The following CACHD1 variants were observed in gnomAD, a reference collection of about 807,000 sequenced individuals.
The protein encoded by CACHD1 is cache domain containing 1.
A neutral mutation model predicts 138.7 loss-of-function variants in CACHD1; 71 were observed. The ratio of observed to expected loss-of-function variants is 0.51; its 90% CI spans 0.42 to 0.62. The LOEUF (loss-of-function observed/expected upper bound fraction) is 0.62, where lower values mean the gene tolerates loss of function less well. Ranked by LOEUF, CACHD1 falls within the 20% of genes least tolerant of loss-of-function variation. The pLI is 0.00. For missense variants in CACHD1, 1,389 were observed against 1,625.3 expected (o/e 0.85, Z 2.50); for synonymous variants, 578 against 591.5 (o/e 0.98, Z 0.33).
intron 4 of CACHD1, among the ~76,000 whole-genome samples, chr1:64,610,763 A>G (rs536860722): frequency 6.6e-6 from 1 of 152,306 alleles, no homozygotes; most frequent in Non-Finnish European, 1.5e-5. Context: ...TGGAGTCTGG[A>G]GGATGGTGGT....
In CACHD1 at chr1:64,691,378, C is replaced by T; in HGVS notation, c.3642C>T (p.Asp1214=). The stretch of plus-strand genomic sequence containing the variant: ...GTGAAAATCCTCCATGCAACAATGA[C>T]CCCTTGTCAGCCGGGGTCGATGTGG... The part of the protein sequence containing the change: ...EDSENPPCNN[D]PLSAGVDVGN... The change falls in exon 27 of 27, where the codon GAC becomes GAT. Residue 1214 remains aspartate (D), a synonymous_variant. Coordinates refer to ENST00000651257, the MANE Select transcript of CACHD1 (RefSeq NM_020925.4). 6.2e-7 allele frequency: 1 copy of T among 1,614,096 alleles called. No individual in the cohort carries two copies. The highest frequency in any genetic ancestry group is 8.5e-7 in the Non-Finnish European group (1 of 1,180,018).
chr1:64,526,522 T>G (rs1182955049), intron 1 of CACHD1, among the ~76,000 whole-genome samples: 5 of 152,316 alleles, frequency 3.3e-5, no homozygotes, highest in African/African-American at 1.2e-4. Flanking sequence ...CTGAGAGGGC[T>G]GATTGCTCCA....
intron 12 of CACHD1, among the ~76,000 whole-genome samples, chr1:64,656,924 A>T (rs920816333): frequency 6.6e-6 from 1 of 152,160 alleles, no homozygotes; most frequent in Non-Finnish European, 1.5e-5. Flanking sequence ...TTCTAATATA[A>T]TCCAAATAGA....
At chr1:64,644,898 G>T (rs1027221103) in intron 8 of CACHD1, among the ~76,000 whole-genome samples, 4 of 152,192 alleles carry the variant, frequency 2.6e-5, no homozygotes, top group African/African-American at 7.2e-5. Flanking sequence ...AGGAGTTCGA[G>T]ACCAGCCTGA....
intron 3 of CACHD1, among the ~76,000 whole-genome samples, chr1:64,595,093 A>C (rs752294446): frequency 1.3e-5 from 2 of 152,130 alleles, no homozygotes; most frequent in African/African-American, 2.4e-5. Context: ...TCCTCGGTGC[A>C]TGTGTGCTGG....
intron 1 of CACHD1, among the ~76,000 whole-genome samples, chr1:64,526,292 T>A (rs900773634): frequency 1.3e-5 from 2 of 152,242 alleles, no homozygotes; most frequent in African/African-American, 2.4e-5. Flanking sequence ...TTCTCTTCTC[T>A]GTGGCCCTTT....
chr1:64,618,843 T>C (rs1647807160), intron 4 of CACHD1, among the ~76,000 whole-genome samples: 1 of 152,212 alleles, frequency 6.6e-6, no homozygotes, highest in African/African-American at 2.4e-5. Context: ...TCTTGTATTT[T>C]CTATTTGGCA....
At chr1:64,591,989 C>T (rs1440486909) in intron 3 of CACHD1, among the ~76,000 whole-genome samples, 1 of 152,196 alleles carries the variant, frequency 6.6e-6, no homozygotes, top group East Asian at 1.9e-4. Flanking sequence ...GGTAGCAAAA[C>T]TGACTTTGTT....
chr1:64,572,774 CCTTGCACATAAAT>C (rs1421388025), intron 2 of CACHD1, among the ~76,000 whole-genome samples: 1 of 152,118 alleles, frequency 6.6e-6, no homozygotes, highest in Non-Finnish European at 1.5e-5. Flanking sequence ...GCCCAGACAG[CCTTGCACATAAAT>C]CTTTCTGGTC....
At position 64,532,686 on chromosome 1, in the gene CACHD1, G is replaced by A. The variant is rs370583328; in HGVS notation, c.199-17908G>A. On this transcript the variant is annotated intron_variant, in intron 1 of 26. Coordinates refer to ENST00000651257, the MANE Select transcript of CACHD1 (RefSeq NM_020925.4). Reference sequence around the variant, plus strand: ...AGGTAAAGACTTTGGAACCAAGATAGGACTTGGGGTTTTACTGTGAATTCA... The same window carrying A: ...AGGTAAAGACTTTGGAACCAAGATAAGACTTGGGGTTTTACTGTGAATTCA... 3.9e-5 allele frequency among the ~76,000 whole-genome samples: 6 copies of A among 152,262 alleles called. No individual in the cohort carries two copies. The South Asian group carries it at 1.0e-3, about 26-fold the overall frequency.
At position 64,692,416 on chromosome 1, in the gene CACHD1, G is replaced by A. The variant is rs967171623; in HGVS notation, c.*855G>A. On this transcript the variant is annotated 3_prime_UTR_variant, in exon 27 of 27. Transcript: ENST00000651257. Reference sequence around the variant, plus strand: ...GAATTTAAGAGGTTTTAAAAGAAATGTTATGTTTCTTATGACTTGTTTCCA... The same window carrying A: ...GAATTTAAGAGGTTTTAAAAGAAATATTATGTTTCTTATGACTTGTTTCCA... 2.0e-5 allele frequency: 3 copies of A among 152,158 alleles called. No homozygotes were observed. Among genetic ancestry groups the A allele is most frequent in the African/African-American group, 7.2e-5 (3 of 41,452 alleles). 9.4% of individuals were successfully genotyped at this position (152,158 alleles called of 1,614,324 possible). A position where few individuals can be genotyped will look rare whatever the true frequency, so the allele number is the denominator to read the frequency against.
At chr1:64,593,019 G>A (rs1647120169) in intron 3 of CACHD1, among the ~76,000 whole-genome samples, 1 of 152,074 alleles carries the variant, frequency 6.6e-6, no homozygotes, top group Admixed American at 6.6e-5. Context: ...TTAGGAGATG[G>A]GAATCTATTA....
intron 2 of CACHD1, chr1:64,563,900 T>G (rs1303324412): frequency 6.6e-6 from 1 of 152,216 alleles, no homozygotes; most frequent in African/African-American, 2.4e-5. Flanking sequence ...AGATAAAAGT[T>G]GTTTAAAAGA....
At chr1:64,517,747 G>C (rs1570323547) in intron 1 of CACHD1, among the ~76,000 whole-genome samples, 1 of 152,324 alleles carries the variant, frequency 6.6e-6, no homozygotes, top group Admixed American at 6.5e-5. Flanking sequence ...ATCACCATGA[G>C]CTTCTCCTCA....
chr1:64,587,180 G>A (rs927436287), intron 3 of CACHD1, among the ~76,000 whole-genome samples: 4 of 152,046 alleles, frequency 2.6e-5, no homozygotes, highest in African/African-American at 9.7e-5. Context: ...TATTGACCTT[G>A]CTTCTTCTCC....
chr1:64,508,125 G>T (rs551319329), intron 1 of CACHD1, among the ~76,000 whole-genome samples: 1 of 152,212 alleles, frequency 6.6e-6, no homozygotes, highest in South Asian at 2.1e-4. Context: ...AGGGGGAGGT[G>T]CTACACACTT....
At chr1:64,567,412 A>G (rs1231387154) in intron 2 of CACHD1, among the ~76,000 whole-genome samples, 4 of 152,130 alleles carry the variant, frequency 2.6e-5, no homozygotes, top group Non-Finnish European at 4.4e-5. Flanking sequence ...ATTAGTACAC[A>G]TATAAATCGT....
At chr1:64,515,558 A>G (rs546692773) in intron 1 of CACHD1, among the ~76,000 whole-genome samples, 1 of 152,322 alleles carries the variant, frequency 6.6e-6, no homozygotes, top group Non-Finnish European at 1.5e-5. Context: ...GACTATTAGT[A>G]TTTGTGTTGA....
intron 26 of CACHD1, among the ~76,000 whole-genome samples, chr1:64,689,523 T>C (rs1334878678): frequency 6.6e-6 from 1 of 152,186 alleles, no homozygotes; most frequent in Non-Finnish European, 1.5e-5. Flanking sequence ...AACTGCTCCC[T>C]GTCTTTCCTT....
Sources: gnomAD v4.1 joint callset for allele counts (sites outside exome capture counted in the v4.1 genomes callset) on GRCh38, gnomAD v4.1.1 for gene constraint, MANE v1.5 for transcripts, NCBI Gene and HGNC (gene_info 2026-07-23, HGNC 2026-07-21) for gene names.